ABL2: variants seen among roughly 807,000 people sequenced by gnomAD.
ABL2 encodes the protein ABL proto-oncogene 2, non-receptor tyrosine kinase.
Under a neutral mutation model 107.7 loss-of-function variants are expected in ABL2, and 49 were observed. That is an observed-to-expected ratio of 0.45 (90% CI 0.36 to 0.58). The LOEUF (loss-of-function observed/expected upper bound fraction) is 0.58, where lower values mean the gene tolerates loss of function less well. ABL2 is among the 20% of genes least tolerant of loss of function. The pLI is 0.00. For synonymous variants in ABL2, 549 were observed against 548.6 expected (o/e 1.00, Z -0.01); for missense variants, 1,245 against 1,457.0 (o/e 0.85, Z 2.37).
At chr1:179,112,489 C>CATAGA in intron 9 of ABL2, 91 bp from the exon 10 acceptor site, 1 of 927,920 alleles carries the variant, frequency 1.1e-6, no homozygotes, top group Non-Finnish European at 1.7e-6. Context: ...CATCATGATG[C>CATAGA]ACACTTATTA....
intron 1 of ABL2, among the ~76,000 whole-genome samples, chr1:179,195,113 C>A (rs10157885): frequency 0.086 from 13,009 of 151,978 alleles, 619 homozygotes; most frequent in African/African-American, 0.093. Context: ...CAAGGTGAAA[C>A]CCCATCTCTA....
chr1:179,207,979 A>AT (rs1662070654), intron 1 of ABL2, among the ~76,000 whole-genome samples: 2 of 152,052 alleles, frequency 1.3e-5, no homozygotes, highest in Non-Finnish European at 2.9e-5. Context: ...TTTTTTTTGA[A>AT]TAAGTATTTT....
chr1:179,113,165 C>T lies in ABL2; in HGVS notation c.1562-767G>A, dbSNP rs563902163. 8.5e-5 allele frequency among the ~76,000 whole-genome samples: 13 copies of T among 152,274 alleles called. No individual in the cohort carries two copies. The South Asian group carries it at 2.1e-3, about 24-fold the overall frequency. On this transcript the variant is annotated intron_variant, in intron 9 of 11. Transcript: ENST00000502732. ...CTGAGCTCAAGCAATCTGCTCACTT[C>T]GGCCTCCCAAACTGCTAGAATTACA...
chr1:179,214,713 G>A (rs1662467978), intron 1 of ABL2, among the ~76,000 whole-genome samples: 3 of 151,798 alleles, frequency 2.0e-5, no homozygotes, highest in South Asian at 2.1e-4. Flanking sequence ...GAAAGATGGA[G>A]AAGATATTTA....
At chr1:179,156,121 C>A (rs1224985769) in intron 1 of ABL2, among the ~76,000 whole-genome samples, 2 of 152,042 alleles carry the variant, frequency 1.3e-5, no homozygotes, top group Non-Finnish European at 2.9e-5. Flanking sequence ...AACAAAACAA[C>A]AAAAAAACAG....
chr1:179,208,238 G>A (rs559140908), intron 1 of ABL2, among the ~76,000 whole-genome samples: 4 of 152,168 alleles, frequency 2.6e-5, no homozygotes, highest in East Asian at 1.9e-4. Context: ...TTTGGGGTAC[G>A]AATAATCCTG....
intron 1 of ABL2, among the ~76,000 whole-genome samples, chr1:179,207,256 T>C (rs968671796): frequency 3.3e-5 from 5 of 151,966 alleles, no homozygotes; most frequent in Non-Finnish European, 7.4e-5. Flanking sequence ...AAAGTGTCCT[T>C]TGTGAGGGAG....
intron 1 of ABL2, among the ~76,000 whole-genome samples, chr1:179,154,389 T>A (rs192854014): frequency 2.8e-3 from 423 of 152,332 alleles, no homozygotes; most frequent in Non-Finnish European, 5.1e-3. Flanking sequence ...TCAAACAGGA[T>A]CTTGTCTTTC....
intron 6 of ABL2, among the ~76,000 whole-genome samples, chr1:179,119,322 G>T (rs956797179): frequency 6.6e-6 from 1 of 151,916 alleles, no homozygotes; most frequent in African/African-American, 2.4e-5. Context: ...CAGGCAGATC[G>T]CCTGAGCCCA....
chr1:179,217,949 T>C (rs1662666071), intron 1 of ABL2, among the ~76,000 whole-genome samples: 1 of 152,172 alleles, frequency 6.6e-6, no homozygotes, highest in Admixed American at 6.6e-5. Flanking sequence ...ATACCAAAAC[T>C]ATAGAATCAC....
At chr1:179,162,631 G>A (rs1327115964) in intron 1 of ABL2, among the ~76,000 whole-genome samples, 2 of 152,080 alleles carry the variant, frequency 1.3e-5, no homozygotes, top group Non-Finnish European at 2.9e-5. Context: ...AAAATAGCTA[G>A]AGCATGTAAT....
intron 1 of ABL2, among the ~76,000 whole-genome samples, chr1:179,201,324 T>C (rs976401910): frequency 5.3e-5 from 8 of 152,252 alleles, no homozygotes; most frequent in African/African-American, 1.7e-4. Flanking sequence ...AATTACCTTA[T>C]TGAAATTTGT....
rs2102578366 is a variant in ABL2, at chr1:179,108,909, G to A, written c.2358C>T (p.Ser786=). Residue 786 remains serine, a synonymous_variant, in exon 12 of 12, where the codon TCC becomes TCT. Coordinates refer to ENST00000502732, the MANE Select transcript of ABL2 (RefSeq NM_007314.4). ...KPFPRSNSTS[S]MSSGLPEQDR... ...CCTGCTCTGGAAGCCCTGAGGACAT[G>A]GAAGATGTAGAGTTTGACCTTGGAA... 1 of 1,614,214 alleles carries A rather than the reference G, an allele frequency of 6.2e-7. No individual in the cohort carries two copies. The highest frequency in any genetic ancestry group is 8.5e-7 in the Non-Finnish European group (1 of 1,180,032).
chr1:179,181,946 A>ATTTTTTTTTTTTTTTTTTTT (rs34828452), intron 1 of ABL2, among the ~76,000 whole-genome samples: 13 of 91,208 alleles, frequency 1.4e-4, no homozygotes, highest in Non-Finnish European at 2.1e-4. Flanking sequence ...AGGCCCGGCT[A>ATTTTTTTTTTTTTTTTTTTT]TTTTTTTTTT....
intron 3 of ABL2, among the ~76,000 whole-genome samples, chr1:179,130,049 C>T (rs1021503605): frequency 1.1e-4 from 17 of 152,330 alleles, no homozygotes; most frequent in Non-Finnish European, 1.9e-4. Context: ...AAGCAATTAT[C>T]CTGCCTCAGC....
At chr1:179,194,070 G>A (rs60268764) in intron 1 of ABL2, among the ~76,000 whole-genome samples, 2,177 of 152,224 alleles carry the variant, frequency 0.014, 79 homozygotes, top group African/African-American at 0.05. Context: ...ATCAAACTCT[G>A]TCATAATAAA....
At chr1:179,175,117 C>G (rs1431003627) in intron 1 of ABL2, among the ~76,000 whole-genome samples, 2 of 151,978 alleles carry the variant, frequency 1.3e-5, no homozygotes, top group Non-Finnish European at 2.9e-5. Flanking sequence ...CTCCTGGCCT[C>G]AAGCAATCCT....
chr1:179,113,299 G>A (rs1654286215), intron 9 of ABL2, among the ~76,000 whole-genome samples: 1 of 152,196 alleles, frequency 6.6e-6, no homozygotes, highest in Non-Finnish European at 1.5e-5. Flanking sequence ...ACAAGGAGAT[G>A]TTTTAGAAAA....
At chr1:179,202,032 T>A (rs550071050) in intron 1 of ABL2, 1 of 529,656 alleles carries the variant, frequency 1.9e-6, no homozygotes, top group South Asian at 8.0e-5. Flanking sequence ...CTTGTCATTT[T>A]TTTTTCTTTG....
Sources: gnomAD v4.1 joint callset for allele counts (sites outside exome capture counted in the v4.1 genomes callset) on GRCh38, gnomAD v4.1.1 for gene constraint, MANE v1.5 for transcripts, NCBI Gene and HGNC (gene_info 2026-07-23, HGNC 2026-07-21) for gene names.